The following SLC24A2 variants were observed in gnomAD, a reference collection of about 807,000 sequenced individuals.
SLC24A2 encodes the protein sodium/potassium/calcium exchanger 2.
A neutral mutation model predicts 62.0 loss-of-function variants in SLC24A2; 36 were observed. The ratio of observed to expected loss-of-function variants is 0.58; its 90% CI spans 0.44 to 0.77. The LOEUF (loss-of-function observed/expected upper bound fraction) is 0.77, where lower values mean the gene tolerates loss of function less well. Among genes scored for constraint, SLC24A2 ranks in the 30% least tolerant of loss-of-function variants. The pLI, the probability that SLC24A2 is intolerant of heterozygous loss-of-function variation, is 0.00. For missense variants in SLC24A2, 846 were observed against 817.9 expected (o/e 1.03, Z -0.42); for synonymous variants, 358 against 294.0 (o/e 1.22, Z -2.23).
At chr9:20,000,874 G>A in the SLC24A2 span, among the ~76,000 whole-genome samples, 2 of 152,174 alleles carry the variant, frequency 1.3e-5, no homozygotes, top group Non-Finnish European at 2.9e-5. Context: ...GAAAAGTTAT[G>A]TATGAGAGGG....
the SLC24A2 span, among the ~76,000 whole-genome samples, chr9:20,081,179 G>A: frequency 9.9e-5 from 15 of 151,962 alleles, no homozygotes; most frequent in African/African-American, 3.4e-4. Flanking sequence ...ACATGCACAC[G>A]TATGTTTATT....
intron 2 of SLC24A2, among the ~76,000 whole-genome samples, chr9:19,764,463 A>G (rs112321478): frequency 7.4e-4 from 112 of 152,338 alleles, no homozygotes; most frequent in African/African-American, 2.5e-3. Context: ...CCCTCTAAAC[A>G]CTGCATTAGC....
chr9:19,863,275 C>T, the SLC24A2 span, among the ~76,000 whole-genome samples: 2 of 152,110 alleles, frequency 1.3e-5, no homozygotes, highest in East Asian at 1.9e-4. Context: ...AAGAGCTAGA[C>T]CCCAATACGA....
the SLC24A2 span, among the ~76,000 whole-genome samples, chr9:20,004,260 T>A: frequency 1.3e-5 from 2 of 152,314 alleles, no homozygotes; most frequent in South Asian, 4.1e-4. Flanking sequence ...CTTTGGAGGT[T>A]TCCTTCCATT....
the SLC24A2 span, among the ~76,000 whole-genome samples, chr9:20,059,432 T>C: frequency 3.3e-5 from 5 of 152,136 alleles, no homozygotes; most frequent in Admixed American, 6.6e-5. Context: ...TTTTAAAAGA[T>C]TGAAATCTTA....
chr9:20,296,162 C>T, the SLC24A2 span, among the ~76,000 whole-genome samples: 3 of 152,234 alleles, frequency 2.0e-5, no homozygotes, highest in Non-Finnish European at 2.9e-5. Flanking sequence ...AATATCCAGA[C>T]TCTCAGATGG....
intron 7 of SLC24A2, among the ~76,000 whole-genome samples, chr9:19,558,568 G>A (rs983813092): frequency 6.6e-6 from 1 of 152,102 alleles, no homozygotes; most frequent in South Asian, 2.1e-4. Flanking sequence ...ATGGATATCT[G>A]GGGGACACTG....
chr9:19,783,283 C>T (rs1823067773), intron 2 of SLC24A2, among the ~76,000 whole-genome samples: 1 of 152,144 alleles, frequency 6.6e-6, no homozygotes, highest in African/African-American at 2.4e-5. Context: ...CTCTACCTTC[C>T]CAAACTCCCA....
chr9:19,536,200 A>G (rs1016351271), intron 8 of SLC24A2, among the ~76,000 whole-genome samples: 6 of 130,804 alleles, frequency 4.6e-5, no homozygotes, highest in African/African-American at 8.7e-5. Flanking sequence ...TTTTTTATTT[A>G]TTTATTTTTT....
chr9:19,682,326 T>C (rs1342818689), intron 2 of SLC24A2, among the ~76,000 whole-genome samples: 3 of 152,234 alleles, frequency 2.0e-5, no homozygotes, highest in Middle Eastern at 3.4e-3. Context: ...AGAAGTACAA[T>C]AACTGAGAAT....
the SLC24A2 span, among the ~76,000 whole-genome samples, chr9:20,064,395 G>C: frequency 6.6e-6 from 1 of 152,154 alleles, no homozygotes; most frequent in Non-Finnish European, 1.5e-5. Context: ...TCTAAAATCA[G>C]ATTGTGCTTG....
At chr9:20,132,990 C>G in the SLC24A2 span, among the ~76,000 whole-genome samples, 2 of 151,960 alleles carry the variant, frequency 1.3e-5, no homozygotes, top group South Asian at 4.2e-4. Context: ...GCTGCAGTCC[C>G]CCAGTTAATG....
the SLC24A2 span, among the ~76,000 whole-genome samples, chr9:20,056,364 A>C: frequency 1.3e-5 from 2 of 152,216 alleles, no homozygotes; most frequent in South Asian, 4.1e-4. Flanking sequence ...AGAGGAAATC[A>C]AAGTCACATT....
At chr9:19,544,666 G>C (rs200075617) in intron 8 of SLC24A2, among the ~76,000 whole-genome samples, 1 of 152,234 alleles carries the variant, frequency 6.6e-6, no homozygotes, top group South Asian at 2.1e-4. Context: ...CTGTAAAGGA[G>C]TTTATTTCTC....
At chr9:19,757,135 A>G (rs1036850334) in intron 2 of SLC24A2, among the ~76,000 whole-genome samples, 3 of 152,142 alleles carry the variant, frequency 2.0e-5, no homozygotes, top group African/African-American at 7.2e-5. Flanking sequence ...CATTCAATTT[A>G]CCAACTCACA....
chr9:19,851,366 T>C, the SLC24A2 span, among the ~76,000 whole-genome samples: 4 of 152,048 alleles, frequency 2.6e-5, no homozygotes, highest in South Asian at 8.3e-4. Context: ...CCAAAGTACA[T>C]GTGCAGGATG....
At chr9:19,789,710 A>T (rs140211504), upstream of SLC24A2, among the ~76,000 whole-genome samples, 1 of 152,330 alleles carries the variant, frequency 6.6e-6, no homozygotes, top group Non-Finnish European at 1.5e-5. Context: ...CTTGTTGGGG[A>T]TGAGAGACTA....
chr9:19,884,048 A>G, the SLC24A2 span, among the ~76,000 whole-genome samples: 1 of 152,284 alleles, frequency 6.6e-6, no homozygotes, highest in East Asian at 1.9e-4. Context: ...AACTATACTC[A>G]TGTGATAATA....
Position 19,616,113 on chromosome 9 carries a change from G to A in SLC24A2, c.1078+3471C>T, listed in dbSNP as rs570766111. On this transcript the variant is annotated intron_variant, in intron 4 of 10. Transcript: ENST00000341998. ...TGTGGTTTCCTCTGTGGAGAATTGG[G>A]GAACTGGAGAAAATTAGAGGGTTGA... Among the ~76,000 whole-genome samples, 19 of 151,904 alleles carry A rather than the reference G, an allele frequency of 1.3e-4. No individual in the cohort carries two copies. In the South Asian group the frequency reaches 4.0e-3, roughly 32 times the overall value.
Sources: allele counts gnomAD v4.1 joint callset (sites outside exome capture counted in the v4.1 genomes callset), GRCh38; gene constraint gnomAD v4.1.1; transcripts MANE v1.5; gene names NCBI Gene and HGNC (gene_info 2026-07-23, HGNC 2026-07-21).